Variants in ARHGAP24 observed in about 807,000 individuals in gnomAD.
ARHGAP24 encodes the protein rho GTPase-activating protein 24.
A neutral mutation model predicts 76.4 loss-of-function variants in ARHGAP24; 50 were observed. The ratio of observed to expected loss-of-function variants is 0.65; its 90% CI spans 0.52 to 0.83. ARHGAP24 has a LOEUF of 0.83. Ranked by LOEUF, ARHGAP24 falls within the 40% of genes least tolerant of loss-of-function variation. ARHGAP24 has a pLI of 0.00. For missense variants in ARHGAP24, 930 were observed against 914.2 expected (o/e 1.02, Z -0.22); for synonymous variants, 345 against 323.3 (o/e 1.07, Z -0.72).
chr4:85,849,375 C>T (rs1731085864), intron 3 of ARHGAP24, among the ~76,000 whole-genome samples: 1 of 152,042 alleles, frequency 6.6e-6, no homozygotes, highest in Non-Finnish European at 1.5e-5. Context: ...TCTAAATATA[C>T]AATCATGTTA....
chr4:85,964,576 A>G (rs1249638894), intron 5 of ARHGAP24, among the ~76,000 whole-genome samples: 1 of 152,120 alleles, frequency 6.6e-6, no homozygotes, highest in Non-Finnish European at 1.5e-5. Context: ...TGGTCAGAGA[A>G]GAGGCAAGGA....
chr4:85,543,172 G>A (rs1725777226), intron 1 of ARHGAP24, among the ~76,000 whole-genome samples: 2 of 152,182 alleles, frequency 1.3e-5, no homozygotes, highest in Non-Finnish European at 1.5e-5. Flanking sequence ...AATTGGAAAG[G>A]TATATTGGGC....
At chr4:85,819,767 A>G (rs761127909) in intron 3 of ARHGAP24, among the ~76,000 whole-genome samples, 2 of 152,106 alleles carry the variant, frequency 1.3e-5, no homozygotes, top group Non-Finnish European at 2.9e-5. Context: ...TGAAATACAA[A>G]AAATTAGCTG....
Position 85,995,121 on chromosome 4 carries a change from C to T in ARHGAP24, c.1467C>T (p.Ser489=), listed in dbSNP as rs1161548883. Residue 489 remains serine (S), a synonymous_variant, in exon 9 of 10, where the codon AGC becomes AGT. Transcript: ENST00000395184. ...NGTVRMGILN[S]DTLGNPTNVR... ...CGGTGCGCATGGGCATTTTGAACAG[C>T]GACACACTCGGGAACCCCACAAATG... The T allele has an allele frequency of 1.2e-5, 20 of 1,613,786 alleles. No individual in the cohort carries two copies. Among genetic ancestry groups the T allele is most frequent in the Non-Finnish European group, 1.4e-5 (17 of 1,179,996 alleles).
chr4:85,617,179 A>G (rs1209835385), intron 2 of ARHGAP24, among the ~76,000 whole-genome samples: 4 of 148,080 alleles, frequency 2.7e-5, no homozygotes, highest in African/African-American at 9.8e-5. Flanking sequence ...AAATATATCT[A>G]TAATTCATAA....
In ARHGAP24 at chr4:85,721,919, A is replaced by C. The variant is rs746810138; in HGVS notation, c.215A>C (p.Glu72Ala). 6.2e-7 allele frequency: 1 copy of C among 1,613,534 alleles called. No homozygotes were observed. The highest frequency in any genetic ancestry group is 1.1e-5 in the South Asian group (1 of 91,076). ...TIFLPGNKVS[E>A]HPCNEENPGK... ...TTTCTGCCTGGAAATAAAGTTTCTG[A>C]GCATCCCTGCAATGAAGAGAACCCA... Residue 72 changes from glutamate to alanine, a missense_variant, in exon 3 of 10, where the codon GAG becomes GCG. Coordinates refer to ENST00000395184, the MANE Select transcript of ARHGAP24 (RefSeq NM_001025616.3).
At chr4:85,894,650 G>C (rs372003094) in intron 3 of ARHGAP24, among the ~76,000 whole-genome samples, 14 of 152,214 alleles carry the variant, frequency 9.2e-5, no homozygotes, top group African/African-American at 3.4e-4. Flanking sequence ...GGATGCAAAG[G>C]CATAAAAATG....
At chr4:85,526,293 C>T (rs1724989298) in intron 1 of ARHGAP24, among the ~76,000 whole-genome samples, 1 of 150,970 alleles carries the variant, frequency 6.6e-6, no homozygotes, top group Admixed American at 6.6e-5. Context: ...CCTGGCTACT[C>T]AGGAGGCTGT....
chr4:85,895,674 AC>A (rs758603434), intron 3 of ARHGAP24, among the ~76,000 whole-genome samples: 2 of 152,104 alleles, frequency 1.3e-5, no homozygotes, highest in African/African-American at 2.4e-5. Context: ...TTTTTTCTGT[AC>A]CCTTTTTGAA....
intron 3 of ARHGAP24, among the ~76,000 whole-genome samples, chr4:85,853,707 ACAAGCTCAAGAGATCAAGACCATCCTGGC>A (rs1368683478): frequency 4.6e-5 from 7 of 152,138 alleles, no homozygotes; most frequent in African/African-American, 9.7e-5. Context: ...TGGGCGGATC[ACAAGCTCAAGAGATCAAGACCATCCTGGC>A]CAAGCTCAAG....
chr4:85,628,956 C>G (rs1721066706), intron 2 of ARHGAP24, among the ~76,000 whole-genome samples: 1 of 152,082 alleles, frequency 6.6e-6, no homozygotes. Context: ...TGTGTTTTGA[C>G]TGGAGAATTT....
At chr4:85,936,250 C>T (rs346502) in intron 4 of ARHGAP24, among the ~76,000 whole-genome samples, 4 of 151,878 alleles carry the variant, frequency 2.6e-5, no homozygotes, top group Admixed American at 6.6e-5. Flanking sequence ...GCACGACCCA[C>T]GAACTATCAA....
chr4:85,553,945 T>C (rs931943086), intron 1 of ARHGAP24, among the ~76,000 whole-genome samples: 1 of 152,204 alleles, frequency 6.6e-6, no homozygotes, highest in Middle Eastern at 3.2e-3. Context: ...TTTGTAGTGG[T>C]GCATAACATT....
In ARHGAP24 at chr4:85,959,494, A is replaced by T. The variant is rs1358786087; in HGVS notation, c.600-12542A>T. Among the ~76,000 whole-genome samples the T allele has an allele frequency of 2.6e-5, 4 of 152,194 alleles. No individual in the cohort carries two copies. The South Asian group carries it at 8.3e-4, about 32-fold the overall frequency. ...ATTCTAGATGGAGTTGCTATGGTTC[A>T]CATGCCTCTGACACATCCATGTCAT... On this transcript the variant is annotated intron_variant, in intron 5 of 9. Coordinates refer to ENST00000395184, the MANE Select transcript of ARHGAP24 (RefSeq NM_001025616.3).
intron 2 of ARHGAP24, among the ~76,000 whole-genome samples, chr4:85,710,799 G>A (rs755618854): frequency 5.3e-5 from 8 of 151,950 alleles, no homozygotes; most frequent in African/African-American, 1.2e-4. Flanking sequence ...TTATTAAAAC[G>A]TCAAAAAATA....
intron 1 of ARHGAP24, among the ~76,000 whole-genome samples, chr4:85,531,555 T>C (rs1725260465): frequency 6.6e-6 from 1 of 152,080 alleles, no homozygotes; most frequent in Admixed American, 6.6e-5. Context: ...ACCTACTGTT[T>C]TATTACTGGC....
chr4:85,890,464 G>A (rs1230567928), intron 3 of ARHGAP24, among the ~76,000 whole-genome samples: 1 of 152,120 alleles, frequency 6.6e-6, no homozygotes, highest in Non-Finnish European at 1.5e-5. Flanking sequence ...TGTGAATATG[G>A]GTGGTGATGG....
intron 1 of ARHGAP24, among the ~76,000 whole-genome samples, chr4:85,565,861 G>A (rs1905037): frequency 0.92 from 140,080 of 152,182 alleles, 65,575 homozygotes; most frequent in East Asian, 1. Flanking sequence ...ATCTATGTGT[G>A]TATGGTTTGA....
At chr4:85,501,364 C>A (rs1723808453) in intron 1 of ARHGAP24, among the ~76,000 whole-genome samples, 1 of 152,210 alleles carries the variant, frequency 6.6e-6, no homozygotes, top group Non-Finnish European at 1.5e-5. Context: ...ATTCCTATTT[C>A]TCCACATCCT....
Sources: allele counts gnomAD v4.1 joint callset (sites outside exome capture counted in the v4.1 genomes callset), GRCh38; gene constraint gnomAD v4.1.1; transcripts MANE v1.5; gene names NCBI Gene and HGNC (gene_info 2026-07-23, HGNC 2026-07-21).